The following PRKN variants were observed in gnomAD, a reference collection of about 807,000 sequenced individuals.
The protein encoded by PRKN is parkin RBR E3 ubiquitin protein ligase.
A neutral mutation model predicts 59.5 loss-of-function variants in PRKN; 56 were observed. The observed-to-expected ratio is 0.94, with a 90% confidence interval of 0.76 to 1.18. PRKN has a LOEUF of 1.18. Among genes scored for constraint, PRKN ranks in the 50% most tolerant of loss-of-function variants. The probability of loss-of-function intolerance (pLI) is 0.00; values close to 1 mark genes in which losing one functional copy is unlikely to be tolerated. For missense variants in PRKN, 657 were observed against 596.4 expected, an observed-to-expected ratio of 1.10 and a Z score of -1.06; for synonymous variants, 250 against 222.1, an observed-to-expected ratio of 1.13 and a Z score of -1.12.
chr6:162,560,020 CCATT>C (rs960921331), intron 1 of PRKN, among the ~76,000 whole-genome samples: 4 of 152,134 alleles, frequency 2.6e-5, no homozygotes, highest in African/African-American at 9.7e-5. Flanking sequence ...ACATCTGATA[CCATT>C]ATTATTAAAC....
intron 6 of PRKN, among the ~76,000 whole-genome samples, chr6:161,879,417 G>T (rs1794849848): frequency 1.5e-5 from 2 of 136,492 alleles, no homozygotes; most frequent in Admixed American, 1.7e-4. Flanking sequence ...GTGCAATCTT[G>T]GCTCACTGCA....
intron 9 of PRKN, among the ~76,000 whole-genome samples, chr6:161,441,027 C>G (rs1000178758): frequency 2.0e-5 from 3 of 152,192 alleles, no homozygotes; most frequent in African/African-American, 7.2e-5. Flanking sequence ...TTCTGAACTA[C>G]AAGCATCTCA....
chr6:161,732,997 A>G (rs1787786149), intron 7 of PRKN, among the ~76,000 whole-genome samples: 1 of 152,158 alleles, frequency 6.6e-6, no homozygotes, highest in South Asian at 2.1e-4. Context: ...CTCAGTAAAG[A>G]TTGCCTTTCT....
intron 3 of PRKN, among the ~76,000 whole-genome samples, chr6:162,229,004 T>A (rs972561008): frequency 5.3e-5 from 8 of 152,200 alleles, no homozygotes; most frequent in African/African-American, 1.9e-4. Flanking sequence ...GCGCAATCTA[T>A]GGGACCACTT....
intron 7 of PRKN, among the ~76,000 whole-genome samples, chr6:161,699,948 G>A (rs1786183113): frequency 6.6e-6 from 1 of 152,042 alleles, no homozygotes; most frequent in African/African-American, 2.4e-5. Flanking sequence ...GAGAGCTTTA[G>A]AAGCCTTTGT....
intron 2 of PRKN, among the ~76,000 whole-genome samples, chr6:162,334,624 C>T (rs964695440): frequency 6.6e-6 from 1 of 152,224 alleles, no homozygotes; most frequent in African/African-American, 2.4e-5. Context: ...ACTGACTCAA[C>T]ATCCATTCTG....
At chr6:161,771,655 A>G (rs964380897) in intron 7 of PRKN, among the ~76,000 whole-genome samples, 1 of 152,222 alleles carries the variant, frequency 6.6e-6, no homozygotes, top group Admixed American at 6.5e-5. Context: ...ACACTCGAGT[A>G]GAATCAGTGA....
chr6:162,359,562 T>C (rs1785043609), intron 2 of PRKN, among the ~76,000 whole-genome samples: 1 of 149,122 alleles, frequency 6.7e-6, no homozygotes. Flanking sequence ...TCCTTTTTCT[T>C]TGCTATAACT....
intron 4 of PRKN, among the ~76,000 whole-genome samples, chr6:162,121,098 G>A (rs552004705): frequency 1.2e-3 from 190 of 152,130 alleles, no homozygotes; most frequent in African/African-American, 4.5e-3. Flanking sequence ...TTGCTTGGTC[G>A]GGTCCACATA....
At chr6:162,437,376 T>A (rs1789829429) in intron 2 of PRKN, among the ~76,000 whole-genome samples, 1 of 152,176 alleles carries the variant, frequency 6.6e-6, no homozygotes, top group African/African-American at 2.4e-5. Flanking sequence ...CAACTTTATA[T>A]TAAAATGCTT....
rs1208972141 is a variant in PRKN, at chr6:161,593,508, G to A, written c.872-24092C>T. 6.6e-6 allele frequency among the ~76,000 whole-genome samples: 1 copy of A among 152,168 alleles called. No homozygotes were observed. Among genetic ancestry groups the A allele is most frequent in the Non-Finnish European group, 1.5e-5 (1 of 68,024 alleles). On this transcript the variant is annotated intron_variant, in intron 7 of 11. Transcript: ENST00000366898. This position sits in a 1 kb window ranked among gnomAD's most constrained non-coding sequence, Gnocchi z 4.8. ...TTAGGAGGCTCTGGCTGTGGCCTGT[G>A]GTCAGCAGTGCAGCGGTCAGGTGGG...
intron 7 of PRKN, among the ~76,000 whole-genome samples, chr6:161,629,515 A>C (rs1783216387): frequency 6.6e-6 from 1 of 152,078 alleles, no homozygotes; most frequent in Non-Finnish European, 1.5e-5. Flanking sequence ...CTTCTGCTTA[A>C]AACCTCCACT....
At chr6:161,880,437 A>T (rs1483371081) in intron 6 of PRKN, among the ~76,000 whole-genome samples, 1 of 152,194 alleles carries the variant, frequency 6.6e-6, no homozygotes, top group African/African-American at 2.4e-5. Flanking sequence ...GTATATGGGT[A>T]ATTTATATAA....
At chr6:162,520,703 C>A (rs924570609) in intron 1 of PRKN, among the ~76,000 whole-genome samples, 6 of 151,896 alleles carry the variant, frequency 4.0e-5, no homozygotes, top group Non-Finnish European at 8.8e-5. Context: ...TCCCTGGGCA[C>A]AAATTTGGTA....
At chr6:162,007,755 T>C (rs111649986) in intron 5 of PRKN, among the ~76,000 whole-genome samples, 2 of 152,246 alleles carry the variant, frequency 1.3e-5, no homozygotes, top group Non-Finnish European at 2.9e-5. Flanking sequence ...AGGCATGCAA[T>C]ATGGTTCCAA....
chr6:162,268,689 A>C lies in PRKN; in HGVS notation c.172-5924T>G, dbSNP rs563814911. ...AGAGAAGTTCACGATGGGTTCAACA[A>C]CACCCAGCTCCCGAGTGTGAAGCCA... On this transcript the variant is annotated intron_variant, in intron 2 of 11. Transcript: ENST00000366898. 3.9e-5 allele frequency among the ~76,000 whole-genome samples: 6 copies of C among 152,292 alleles called. No homozygotes were observed. The East Asian group carries it at 1.2e-3, about 29-fold the overall frequency.
At chr6:162,456,793 T>G (rs958840863) in intron 1 of PRKN, among the ~76,000 whole-genome samples, 9 of 152,348 alleles carry the variant, frequency 5.9e-5, no homozygotes, top group African/African-American at 2.2e-4. Flanking sequence ...TATTGATTCA[T>G]TAACATTGCA....
At chr6:162,164,731 T>G (rs910040569) in intron 4 of PRKN, among the ~76,000 whole-genome samples, 1 of 149,106 alleles carries the variant, frequency 6.7e-6, no homozygotes, top group Non-Finnish European at 1.5e-5. Flanking sequence ...ATGTGCCATC[T>G]AAAATTTTCT....
intron 7 of PRKN, among the ~76,000 whole-genome samples, chr6:161,623,901 T>C (rs1420235736): frequency 6.6e-6 from 1 of 152,246 alleles, no homozygotes; most frequent in African/African-American, 2.4e-5. Context: ...TATGTTTATA[T>C]TGAACTGGCT....
Sources: allele counts gnomAD v4.1 joint callset (sites outside exome capture counted in the v4.1 genomes callset), GRCh38; gene constraint gnomAD v4.1.1; non-coding constraint Gnocchi (gnomAD v3.1); transcripts MANE v1.5; gene names NCBI Gene and HGNC (gene_info 2026-07-23, HGNC 2026-07-21).